Variants in THBS4 observed in about 807,000 individuals in gnomAD.
THBS4 encodes the protein thrombospondin 4, also known as thrombospondin-4.
A neutral mutation model predicts 115.7 loss-of-function variants in THBS4; 90 were observed. That is an observed-to-expected ratio of 0.78 (90% CI 0.66 to 0.93). THBS4 has a LOEUF of 0.93. Among genes scored for constraint, THBS4 ranks in the 40% least tolerant of loss-of-function variants. The probability of loss-of-function intolerance (pLI) is 0.00; values close to 1 mark genes in which losing one functional copy is unlikely to be tolerated. For missense variants in THBS4, 1,087 were observed against 1,232.7 expected, an observed-to-expected ratio of 0.88 and a Z score of 1.77; for synonymous variants, 460 against 479.3, an observed-to-expected ratio of 0.96 and a Z score of 0.53.
chr5:80,050,140 A>G (rs1365937250), intron 2 of THBS4, among the ~76,000 whole-genome samples: 1 of 152,238 alleles, frequency 6.6e-6, no homozygotes, highest in Non-Finnish European at 1.5e-5. Context: ...CTGAAGAAAC[A>G]GAGTTGTACC....
intron 2 of THBS4, among the ~76,000 whole-genome samples, chr5:80,041,686 G>C (rs1448951737): frequency 6.6e-6 from 1 of 152,130 alleles, no homozygotes; most frequent in Non-Finnish European, 1.5e-5. Flanking sequence ...CAAAGAAAAT[G>C]GTCACTATTT....
chr5:80,031,630 C>T (rs1832588806), upstream of THBS4, among the ~76,000 whole-genome samples: 1 of 152,192 alleles, frequency 6.6e-6, no homozygotes, highest in Admixed American at 6.5e-5. Context: ...CTATACCCTG[C>T]TCTATGTCTC....
chr5:80,030,479 T>C (rs1303157679), upstream of THBS4, among the ~76,000 whole-genome samples: 2 of 152,146 alleles, frequency 1.3e-5, no homozygotes, highest in Admixed American at 6.5e-5. Flanking sequence ...GCGATTCTCC[T>C]GCCTCAGCCT....
chr5:80,002,961 A>G (rs1407945356), intron 2 of THBS4, among the ~76,000 whole-genome samples: 1 of 151,716 alleles, frequency 6.6e-6, no homozygotes, highest in East Asian at 1.9e-4. Context: ...CTTTCTCTTT[A>G]AAATTTTAAC....
intron 2 of THBS4, among the ~76,000 whole-genome samples, chr5:80,004,288 G>T (rs1831970460): frequency 6.6e-6 from 1 of 152,190 alleles, no homozygotes; most frequent in Non-Finnish European, 1.5e-5. Flanking sequence ...GTGTGTAAAT[G>T]ATATTGTTCA....
At chr5:80,067,791 G>A in intron 9 of THBS4, 182 bp from the exon 10 acceptor site, 1 of 624,026 alleles carries the variant, frequency 1.6e-6, no homozygotes, top group Non-Finnish European at 2.7e-6. Flanking sequence ...CCTCCAGTCT[G>A]ATGGTGTTTT....
chr5:80,072,204 G>A (rs1417245566), intron 13 of THBS4, 74 bp from the exon 14 acceptor site: 1 of 1,364,220 alleles, frequency 7.3e-7, no homozygotes, highest in Non-Finnish European at 1.0e-6. Flanking sequence ...GACTCACCAT[G>A]CGCCTGATCT....
rs35373315 is a variant in THBS4, at chr5:80,018,389, C to CTTTTTTTT, written n.177+19977_177+19984dup. On this transcript the variant is annotated intron_variant and non_coding_transcript_variant, in intron 2 of 3. Transcript: ENST00000510218. ...TTACAGAAGTTCCAGTTCAAATATA[C>CTTTTTTTT]TTTTTTTTTTTTTTTTTTTTTTGAG... is the stretch of plus-strand genomic sequence containing the variant. 2.0e-5 allele frequency among the ~76,000 whole-genome samples: 2 copies of CTTTTTTTT among 100,004 alleles called. 1 individual carries two copies. The highest frequency in any genetic ancestry group is 3.9e-5 in the Non-Finnish European group (2 of 51,846). The allele number at this position is 100,004 out of a possible 152,430, so 65.6% of individuals were successfully genotyped here. A position where few individuals can be genotyped will look rare whatever the true frequency, so the allele number is the denominator to read the frequency against.
chr5:80,001,304 C>T (rs534102823), intron 2 of THBS4, among the ~76,000 whole-genome samples: 1 of 152,304 alleles, frequency 6.6e-6, no homozygotes, highest in South Asian at 2.1e-4. Flanking sequence ...ACAGAACCGG[C>T]AGTGGCATTT....
rs749264926 is a variant in THBS4 at position 80,065,482 on chromosome 5, G to C, written c.1194+5G>C. ...TCGATCTGCGTTAATACTTTGGTAA[G>C]TATTTCTCACAGCTGTTGTTATCAA... On this transcript the variant is annotated splice_donor_5th_base_variant and intron_variant, in intron 9 of 21. Coordinates refer to ENST00000350881, the MANE Select transcript of THBS4 (RefSeq NM_003248.6). The C allele has an allele frequency of 1.2e-5, 20 of 1,612,252 alleles. No homozygotes were observed. In the African/African-American group the frequency reaches 2.4e-4, roughly 19 times the overall value.
intron 1 of THBS4, among the ~76,000 whole-genome samples, chr5:79,995,859 C>T (rs1297360961): frequency 2.0e-5 from 3 of 151,980 alleles, no homozygotes; most frequent in Admixed American, 6.6e-5. Flanking sequence ...CACAGTGGCT[C>T]ACACCTGTAA....
At chr5:80,070,271 G>A in intron 10 of THBS4, 35 bp from the exon 11 acceptor site, 1 of 1,524,838 alleles carries the variant, frequency 6.6e-7, no homozygotes, top group Non-Finnish European at 8.8e-7. Flanking sequence ...GCCAGGCTCA[G>A]CTTCCCAGGC....
chr5:80,002,526 C>T (rs437605), intron 2 of THBS4, among the ~76,000 whole-genome samples: 57,191 of 151,654 alleles, frequency 0.38, 11,008 homozygotes, highest in South Asian at 0.5. Context: ...GACCCCCATG[C>T]TCTATCCTAA....
rs964373505 is a variant in THBS4 at position 80,035,841 on chromosome 5, T to C, written c.88+216T>C. Among the ~76,000 whole-genome samples the C allele has an allele frequency of 2.0e-5, 3 of 152,150 alleles. No homozygotes were observed. The highest frequency in any genetic ancestry group is 7.2e-5 in the African/African-American group (3 of 41,434). Reference sequence around the variant, plus strand: ...CCAATGATGAGAACAATTGCCTAAATAGTTGGGGGATGCAAAATTGTTTCA... The same window carrying C: ...CCAATGATGAGAACAATTGCCTAAACAGTTGGGGGATGCAAAATTGTTTCA... On this transcript the variant is annotated intron_variant, in intron 1 of 21. Transcript: ENST00000350881. The surrounding 1 kb of genome is among the most constrained non-coding windows in gnomAD (Gnocchi z 4.6).
intron 2 of THBS4, among the ~76,000 whole-genome samples, chr5:80,050,141 G>A (rs1027617724): frequency 6.6e-6 from 1 of 152,230 alleles, no homozygotes; most frequent in African/African-American, 2.4e-5. Context: ...TGAAGAAACA[G>A]AGTTGTACCT....
chr5:80,059,753 C>T lies in THBS4; in HGVS notation c.835C>T (p.Pro279Ser), dbSNP rs753997904. ...PTPSTVVPPA[P>S]PAPPTRPPRR... ...CCCAAGCACGGTGGTGCCCCCGGCT[C>T]CCCCTGCACCGCCAACACGCCCACC... The change falls in exon 7 of 22, where the codon CCC becomes TCC. Residue 279 changes from proline (P) to serine (S), a missense_variant. Pro to Ser is a moderately conservative substitution (Grantham distance 74). This residue lies in a region of THBS4 where 979 missense variants were observed against 1,103.7 expected (regional missense o/e 0.89). Coordinates refer to ENST00000350881, the MANE Select transcript of THBS4 (RefSeq NM_003248.6). The T allele has an allele frequency of 6.2e-7, 1 of 1,614,148 alleles. No homozygotes were observed. The highest frequency in any genetic ancestry group is 2.2e-5 in the East Asian group (1 of 44,884).
intron 4 of THBS4, 70 bp downstream of exon 4, chr5:80,058,384 C>A: frequency 8.5e-7 from 1 of 1,177,652 alleles, no homozygotes; most frequent in Admixed American, 2.1e-5. Context: ...AGGCTGGGTC[C>A]CATCACCGAA....
intron 21 of THBS4, 78 bp downstream of exon 21, chr5:80,082,623 T>TCC (rs1743576069): frequency 6.4e-7 from 1 of 1,553,918 alleles, no homozygotes; most frequent in African/African-American, 1.5e-5. Context: ...TATACCGCAC[T>TCC]TCCCCCCCAA....
intron 2 of THBS4, among the ~76,000 whole-genome samples, chr5:79,999,665 T>C (rs1831859293): frequency 6.6e-6 from 1 of 152,236 alleles, no homozygotes; most frequent in African/African-American, 2.4e-5. Flanking sequence ...AGATTCATTA[T>C]TGGAGGATTC....
Sources: gnomAD v4.1 joint callset for allele counts (sites outside exome capture counted in the v4.1 genomes callset) on GRCh38, gnomAD v4.1.1 for gene constraint, gnomAD v4.1.1 regional missense constraint, Gnocchi (gnomAD v3.1) non-coding constraint, MANE v1.5 for transcripts, NCBI Gene and HGNC (gene_info 2026-07-23, HGNC 2026-07-21) for gene names.